The following SYT1 variants were observed in gnomAD, a reference collection of about 807,000 sequenced individuals.
The protein encoded by SYT1 is synaptotagmin-1.
In SYT1, 8 loss-of-function variants were observed where a neutral mutation model predicts 44.8. The observed-to-expected ratio is 0.18, with a 90% confidence interval of 0.10 to 0.32. The LOEUF (loss-of-function observed/expected upper bound fraction) is 0.32, where lower values mean the gene tolerates loss of function less well. Among genes scored for constraint, SYT1 ranks in the 10% least tolerant of loss-of-function variants. The pLI, the probability that SYT1 is intolerant of heterozygous loss-of-function variation, is 1.00. For missense variants in SYT1, 286 were observed against 509.3 expected (o/e 0.56, Z 4.22); for synonymous variants, 154 against 188.8 (o/e 0.82, Z 1.51).
At chr12:78,954,636 G>A (rs1206722811) in intron 1 of SYT1, among the ~76,000 whole-genome samples, 1 of 151,932 alleles carries the variant, frequency 6.6e-6, no homozygotes, top group Non-Finnish European at 1.5e-5. Flanking sequence ...TTACCCTACA[G>A]ATTTGTTTTC....
At chr12:78,982,577 T>A (rs1257890768) in intron 2 of SYT1, among the ~76,000 whole-genome samples, 1 of 152,132 alleles carries the variant, frequency 6.6e-6, no homozygotes, top group African/African-American at 2.4e-5. Context: ...AAATGGTCAA[T>A]GCCTGTGTTG....
intron 3 of SYT1, among the ~76,000 whole-genome samples, chr12:79,092,474 C>T (rs542718361): frequency 1.1e-4 from 17 of 151,578 alleles, no homozygotes; most frequent in Non-Finnish European, 2.1e-4. Context: ...AGTACACCTT[C>T]CCATATTCCC....
intron 1 of SYT1, among the ~76,000 whole-genome samples, chr12:78,946,086 AAC>A (rs1201999183): frequency 2.0e-5 from 3 of 152,206 alleles, no homozygotes; most frequent in Admixed American, 6.5e-5. Context: ...GCTGATTAAT[AAC>A]ACACAAATAG....
intron 2 of SYT1, among the ~76,000 whole-genome samples, chr12:78,987,050 G>A (rs991844774): frequency 1.3e-5 from 2 of 152,034 alleles, no homozygotes; most frequent in East Asian, 1.9e-4. Flanking sequence ...GAATATTGTC[G>A]TTCACTATGG....
rs147541829 is a variant in SYT1, at chr12:79,097,319, A to G, written c.-18+49957A>G. Among the ~76,000 whole-genome samples the G allele has an allele frequency of 1.3e-3, 196 of 152,152 alleles. 3 individuals are homozygous for G. In the East Asian group the frequency reaches 0.035, roughly 27 times the overall value. The stretch of plus-strand genomic sequence containing the variant: ...ACCCTGAATAGGCCTAGTCCGTCTT[A>G]ACTAGTCTGAGGGCTATCAGCCATA... On this transcript the variant is annotated intron_variant, in intron 3 of 10. Transcript: ENST00000261205.
rs1565723331 is a variant in SYT1 at position 78,931,224 on chromosome 12, AAAGAAAGAAAGAAAG to A, written c.-216-46571_-216-46557del. 2.5e-3 allele frequency among the ~76,000 whole-genome samples: 155 copies of A among 61,018 alleles called. 4 individuals are homozygous for A. Among genetic ancestry groups the A allele is most frequent in the African/African-American group, 8.5e-3 (93 of 10,988 alleles). The allele number at this position is 61,018 out of a possible 152,430, so 40.0% of individuals were successfully genotyped here. ...GAAAGAAAGAAAGAAAGAAAGAAAG[AAAGAAAGAAAGAAAG>A]AAGGAAGGAAGGAAGGAAGGAAGGA... On this transcript the variant is annotated intron_variant, in intron 1 of 10. Coordinates refer to ENST00000261205, the MANE Select transcript of SYT1 (RefSeq NM_005639.3).
At chr12:78,965,316 A>ACAT (rs1387181300) in intron 1 of SYT1, among the ~76,000 whole-genome samples, 1 of 152,148 alleles carries the variant, frequency 6.6e-6, no homozygotes, top group Non-Finnish European at 1.5e-5. Flanking sequence ...TTTTATATGT[A>ACAT]CAGATTAGGC....
chr12:79,042,933 G>GT (rs1592692605), intron 2 of SYT1, among the ~76,000 whole-genome samples: 1 of 151,294 alleles, frequency 6.6e-6, no homozygotes, highest in African/African-American at 2.4e-5. Flanking sequence ...TAGTTGAGCG[G>GT]TTTTGAATGA....
chr12:78,866,757 G>A (rs1170442519), intron 1 of SYT1, among the ~76,000 whole-genome samples: 1 of 152,040 alleles, frequency 6.6e-6, no homozygotes, highest in Non-Finnish European at 1.5e-5. Flanking sequence ...ATTTATCAGG[G>A]GAAATGCAGA....
rs1565894602 is a variant in SYT1, at chr12:79,293,390, TAAAA to T, written c.474+1261_474+1264del. On this transcript the variant is annotated intron_variant, in intron 6 of 10. Coordinates refer to ENST00000261205, the MANE Select transcript of SYT1 (RefSeq NM_005639.3). ...TAAAATAAAATAAAATAAAATAAAA[TAAAA>T]TAAAATAAAATAAAATTAAAAAATC... Among the ~76,000 whole-genome samples the T allele has an allele frequency of 6.5e-3, 439 of 68,002 alleles. 14 individuals carry two copies. In the East Asian group the frequency reaches 0.13, roughly 21 times the overall value. 44.6% of individuals were successfully genotyped at this position (68,002 alleles called of 152,430 possible). A position where few individuals can be genotyped will look rare whatever the true frequency, so the allele number is the denominator to read the frequency against.
intron 1 of SYT1, among the ~76,000 whole-genome samples, chr12:78,924,931 A>G (rs1374432437): frequency 6.6e-6 from 1 of 151,734 alleles, no homozygotes; most frequent in Admixed American, 6.6e-5. Flanking sequence ...TCTTGTTGCT[A>G]CTGGGTGTCA....
intron 3 of SYT1, among the ~76,000 whole-genome samples, chr12:79,065,716 C>T (rs1346065648): frequency 6.6e-6 from 1 of 152,186 alleles, no homozygotes; most frequent in East Asian, 1.9e-4. Flanking sequence ...CCAAAATGTG[C>T]TCCCACTATT....
At chr12:79,134,800 G>A (rs758158572) in intron 3 of SYT1, among the ~76,000 whole-genome samples, 6 of 152,088 alleles carry the variant, frequency 3.9e-5, no homozygotes, top group Non-Finnish European at 7.4e-5. Context: ...TAATAGAGTA[G>A]AATGGTGGTC....
chr12:79,051,412 T>C (rs1395337070), intron 3 of SYT1, among the ~76,000 whole-genome samples: 1 of 150,306 alleles, frequency 6.7e-6, no homozygotes. Context: ...ATATCTCTAC[T>C]ATATATGTAT....
intron 8 of SYT1, among the ~76,000 whole-genome samples, chr12:79,315,286 C>T (rs1686484893): frequency 6.6e-6 from 1 of 152,156 alleles, no homozygotes; most frequent in South Asian, 2.1e-4. Context: ...TCATAGCTCA[C>T]TGCAGCTTCA....
rs1007051039 is a variant in SYT1, at chr12:79,342,007, T to G, written c.811-11495T>G. ...GGGCAGAATGTCAAGCAAAAGGAAC[T>G]GTTTATGTGAAGCCTCTGAAAGTGT... On this transcript the variant is annotated intron_variant, in intron 8 of 10. Transcript: ENST00000261205. Among the ~76,000 whole-genome samples the G allele has an allele frequency of 2.0e-5, 3 of 152,076 alleles. No individual in the cohort carries two copies. The East Asian group carries it at 5.8e-4, about 29-fold the overall frequency.
At chr12:79,382,891 C>T (rs1443320185) in intron 9 of SYT1, among the ~76,000 whole-genome samples, 1 of 152,200 alleles carries the variant, frequency 6.6e-6, no homozygotes, top group Admixed American at 6.5e-5. Context: ...CTTGACTGCT[C>T]ATACAACATA....
chr12:78,938,635 A>C (rs914125768), intron 1 of SYT1, among the ~76,000 whole-genome samples: 1 of 152,152 alleles, frequency 6.6e-6, no homozygotes, highest in Non-Finnish European at 1.5e-5. Context: ...GAAACGAATA[A>C]CTCATCAATA....
At chr12:79,074,000 T>A (rs535073029) in intron 3 of SYT1, among the ~76,000 whole-genome samples, 2 of 152,182 alleles carry the variant, frequency 1.3e-5, no homozygotes, top group Non-Finnish European at 2.9e-5. Flanking sequence ...CTGCTTTCAT[T>A]CCAGTCATTA....
Sources: gnomAD v4.1 joint callset for allele counts (sites outside exome capture counted in the v4.1 genomes callset) on GRCh38, gnomAD v4.1.1 for gene constraint, MANE v1.5 for transcripts, NCBI Gene and HGNC (gene_info 2026-07-23, HGNC 2026-07-21) for gene names.